Variants in LRR1 observed in about 807,000 individuals in gnomAD.
LRR1 encodes the protein leucine rich repeat protein 1, also known as leucine-rich repeat protein 1.
LRR1 carries 29 observed loss-of-function variants against 31.6 expected under a neutral mutation model. The ratio of observed to expected loss-of-function variants is 0.92; its 90% CI spans 0.68 to 1.25. The LOEUF (loss-of-function observed/expected upper bound fraction) is 1.25, where lower values mean the gene tolerates loss of function less well. LRR1 is among the 50% of genes most tolerant of loss of function. The pLI, the probability that LRR1 is intolerant of heterozygous loss-of-function variation, is 0.00. For missense variants in LRR1, 485 were observed against 487.2 expected (o/e 1.00, Z 0.04); for synonymous variants, 179 against 181.4 (o/e 0.99, Z 0.10).
intron 1 of LRR1, chr14:49,600,895 G>A (rs868186079): frequency 1.5e-6 from 2 of 1,367,992 alleles, no homozygotes; most frequent in African/African-American, 1.5e-5. Flanking sequence ...ATCACATCAT[G>A]TTGTAACTAC....
chr14:49,612,574 A>G lies in LRR1; in HGVS notation c.1005-1682A>G, dbSNP rs780650623. The stretch of plus-strand genomic sequence containing the variant: ...AAGCAACAGATTAATAAGTCTTTTT[A>G]TGAAAAATTTAAAAATTGCAAATAG... On this transcript the variant is annotated intron_variant, in intron 3 of 3. Coordinates refer to ENST00000298288, the MANE Select transcript of LRR1 (RefSeq NM_152329.4). 134 of 1,182,078 alleles carry G rather than the reference A, an allele frequency of 1.1e-4. No homozygotes were observed. In the South Asian group the frequency reaches 2.0e-3, roughly 17 times the overall value. The allele number at this position is 1,182,078 out of a possible 1,614,324, so 73.2% of individuals were successfully genotyped here. A position where few individuals can be genotyped will look rare whatever the true frequency, so the allele number is the denominator to read the frequency against.
In LRR1 at chr14:49,602,140, C is replaced by CTT. The variant is rs71115383; in HGVS notation, c.184-204_184-203dup. 5.3e-4 allele frequency among the ~76,000 whole-genome samples: 32 copies of CTT among 60,296 alleles called. No homozygotes were observed. The East Asian group carries it at 6.9e-3, about 13-fold the overall frequency. 39.6% of individuals were successfully genotyped at this position (60,296 alleles called of 152,430 possible). ...GAGACTCTGTCTCAAAAAAAAACAA[C>CTT]TTTTTTTTTTTTTTTTTTTTTTTTT... On this transcript the variant is annotated intron_variant, in intron 1 of 3. Coordinates refer to ENST00000298288, the MANE Select transcript of LRR1 (RefSeq NM_152329.4).
At position 49,607,567 on chromosome 14, in the gene LRR1, G is replaced by C. The variant is rs1882331697; in HGVS notation, c.450G>C (p.Lys150Asn). ...CCAAAAAAGACTATCCTCTAAGTAAGAATTTTCCATATTCCTTGGAACATC... is the reference window on the plus strand; with the variant it reads ...CCAAAAAAGACTATCCTCTAAGTAACAATTTTCCATATTCCTTGGAACATC... ...ITSKKDYPLSKNFPYSLEHLQ... is the reference protein window; with the variant it reads ...ITSKKDYPLSNNFPYSLEHLQ... The change falls in exon 3 of 4, where the codon AAG (lysine) becomes AAC (asparagine). Residue 150 changes from lysine (K) to asparagine (N), a missense_variant. Lys to Asn is a moderately conservative substitution (Grantham distance 94). Coordinates refer to ENST00000298288, the MANE Select transcript of LRR1 (RefSeq NM_152329.4). 3 of 1,614,000 alleles carry C rather than the reference G, an allele frequency of 1.9e-6. No homozygotes were observed. The South Asian group carries it at 3.3e-5, about 18-fold the overall frequency.
intron 1 of LRR1, chr14:49,600,116 C>T: frequency 1.3e-6 from 2 of 1,578,310 alleles, no homozygotes; most frequent in Non-Finnish European, 1.7e-6. Flanking sequence ...ACGTGCCCAC[C>T]GTCTTCGACC....
In LRR1 at chr14:49,614,488, T is replaced by A; in HGVS notation, c.1237T>A (p.Leu413Ile). 6.2e-7 allele frequency: 1 copy of A among 1,613,728 alleles called. No homozygotes were observed. Among genetic ancestry groups the A allele is most frequent in the Non-Finnish European group, 8.5e-7 (1 of 1,179,784 alleles). The change falls in exon 4 of 4, where the codon TTA becomes ATA. Residue 413 changes from leucine (L) to isoleucine (I), a missense_variant. Coordinates refer to ENST00000298288, the MANE Select transcript of LRR1 (RefSeq NM_152329.4). ...LGCYVNSSDM[L>I]K ...CTGTTATGTTAATTCCTCTGATATG[T>A]TAAAGTAATGGGTGAGACCAGAAAA...
At chr14:49,600,164 C>T (rs1296354042) in intron 1 of LRR1, 1 of 1,481,762 alleles carries the variant, frequency 6.7e-7, no homozygotes, top group African/African-American at 1.4e-5. Flanking sequence ...GCAAGCAGTA[C>T]CTCCTAGGAC....
intron 1 of LRR1, among the ~76,000 whole-genome samples, chr14:49,601,352 T>C (rs1436077258): frequency 5.3e-5 from 8 of 152,232 alleles, no homozygotes; most frequent in African/African-American, 1.9e-4. Flanking sequence ...GTCAGTCTTA[T>C]TCATTGCTAT....
At chr14:49,600,841 A>G in intron 1 of LRR1, 2 of 873,092 alleles carry the variant, frequency 2.3e-6, no homozygotes, top group Non-Finnish European at 3.5e-6. Flanking sequence ...TATTTCAACT[A>G]GAAGGTACAA....
chr14:49,602,385 G>C lies in LRR1; in HGVS notation c.199G>C (p.Glu67Gln). ...TTTTATGCAGCTAAGGGAGAACATT[G>C]AGCAATTCTTCACCAAATTTGTAGA... is the stretch of plus-strand genomic sequence containing the variant. The part of the protein sequence containing the change: ...GTRYELRENI[E>Q]QFFTKFVDEG... Residue 67 changes from glutamate (E) to glutamine (Q), a missense_variant, in exon 2 of 4, where the codon GAG becomes CAG. Around this residue, in one of 3 missense-constraint regions of LRR1, gnomAD observed 260 missense variants for 249.6 expected, o/e 1.04. Coordinates refer to ENST00000298288, the MANE Select transcript of LRR1 (RefSeq NM_152329.4). 6.2e-7 allele frequency: 1 copy of C among 1,613,374 alleles called. No homozygotes were observed. The highest frequency in any genetic ancestry group is 8.5e-7 in the Non-Finnish European group (1 of 1,179,682).
chr14:49,606,859 G>A (rs1882305008), intron 2 of LRR1, among the ~76,000 whole-genome samples: 2 of 151,704 alleles, frequency 1.3e-5, no homozygotes, highest in Admixed American at 1.3e-4. Context: ...GCTTCACCAT[G>A]TTGGCCAGGC....
rs761236025 is a variant in LRR1, at chr14:49,607,430, T to A, written c.313T>A (p.Ser105Thr). 1 of 1,584,786 alleles carries A rather than the reference T, an allele frequency of 6.3e-7. No individual in the cohort carries two copies. Among genetic ancestry groups the A allele is most frequent in the South Asian group, 1.1e-5 (1 of 87,276 alleles). Residue 105 changes from serine to threonine, a missense_variant, in exon 3 of 4, where the codon TCA becomes ACA. Transcript: ENST00000298288. Reference protein sequence around the residue: ...AISSSLKGFLSAMRLAHRGCN... With the variant: ...AISSSLKGFLTAMRLAHRGCN... ...TTCCAGCAGTTTAAAAGGTTTCCTT[T>A]CAGCTATGAGACTGGCTCATAGAGG...
At chr14:49,609,882 T>C (rs1262221976) in intron 3 of LRR1, among the ~76,000 whole-genome samples, 2 of 151,972 alleles carry the variant, frequency 1.3e-5, no homozygotes, top group Non-Finnish European at 1.5e-5. Flanking sequence ...AATTTTTGTA[T>C]TTTTAGCAGA....
rs1289623123 is a variant in LRR1, at chr14:49,607,435, T to C, written c.318T>C (p.Ala106=). Residue 106 remains alanine (A), a synonymous_variant, in exon 3 of 4, where the codon GCT becomes GCC. Coordinates refer to ENST00000298288, the MANE Select transcript of LRR1 (RefSeq NM_152329.4). ...ISSSLKGFLS[A]MRLAHRGCNV... ...GCAGTTTAAAAGGTTTCCTTTCAGC[T>C]ATGAGACTGGCTCATAGAGGCTGTA... The C allele has an allele frequency of 3.8e-6, 6 of 1,594,176 alleles. No individual in the cohort carries two copies. Among genetic ancestry groups the C allele is most frequent in the Non-Finnish European group, 5.1e-6 (6 of 1,172,404 alleles).
intron 2 of LRR1, among the ~76,000 whole-genome samples, chr14:49,607,066 T>G (rs1429958008): frequency 2.0e-5 from 3 of 151,686 alleles, no homozygotes; most frequent in Admixed American, 2.0e-4. Flanking sequence ...AGTCTCACTC[T>G]GTTGCCCAGG....
intron 3 of LRR1, among the ~76,000 whole-genome samples, chr14:49,613,780 T>G (rs1882601991): frequency 6.6e-6 from 1 of 152,190 alleles, no homozygotes; most frequent in Non-Finnish European, 1.5e-5. Flanking sequence ...ACCACTGCAC[T>G]CTAGCCTGGG....
Position 49,607,421 on chromosome 14 carries a change from G to T in LRR1, c.304G>T (p.Gly102Cys). 6.3e-7 allele frequency: 1 copy of T among 1,577,340 alleles called. No individual in the cohort carries two copies. Among genetic ancestry groups the T allele is most frequent in the Middle Eastern group, 1.7e-4 (1 of 5,872 alleles). The stretch of plus-strand genomic sequence containing the variant: ...TCAGGCCATTTCCAGCAGTTTAAAA[G>T]GTTTCCTTTCAGCTATGAGACTGGC... The part of the protein sequence containing the change: ...LSKAISSSLK[G>C]FLSAMRLAHR... Residue 102 changes from glycine (G) to cysteine (C), a missense_variant, in exon 3 of 4, where the codon GGT becomes TGT. Around this residue, in one of 3 missense-constraint regions of LRR1, gnomAD observed 260 missense variants for 249.6 expected, o/e 1.04. Coordinates refer to ENST00000298288, the MANE Select transcript of LRR1 (RefSeq NM_152329.4).
In LRR1 at chr14:49,598,944, A is replaced by T. The variant is rs1881917719; in HGVS notation, c.-77A>T. ...CAGTGGGCAGCCCGCGTGCGCGAGG[A>T]CCCCGATGGCGGCGCCGGGTGGCGG... On this transcript the variant is annotated 5_prime_UTR_variant, in exon 1 of 4. Coordinates refer to ENST00000298288, the MANE Select transcript of LRR1 (RefSeq NM_152329.4). 6.6e-7 allele frequency: 1 copy of T among 1,505,018 alleles called. No individual in the cohort carries two copies. Among genetic ancestry groups the T allele is most frequent in the South Asian group, 1.3e-5 (1 of 79,278 alleles). 93.2% of individuals were successfully genotyped at this position (1,505,018 alleles called of 1,614,324 possible).
chr14:49,602,100 T>C lies in LRR1; in HGVS notation c.184-270T>C, dbSNP rs532765520. The stretch of plus-strand genomic sequence containing the variant: ...GTGATGGCACCACTTCACTCCATCC[T>C]GGGTGAGAGTGAGTGAGACTCTGTC... On this transcript the variant is annotated intron_variant, in intron 1 of 3. Coordinates refer to ENST00000298288, the MANE Select transcript of LRR1 (RefSeq NM_152329.4). 4.4e-3 allele frequency among the ~76,000 whole-genome samples: 638 copies of C among 146,334 alleles called. 3 individuals are homozygous for C. The highest frequency in any genetic ancestry group is 8.1e-3 in the Non-Finnish European group (538 of 66,770).
At chr14:49,606,751 G>T (rs1166491611) in intron 2 of LRR1, among the ~76,000 whole-genome samples, 2 of 151,448 alleles carry the variant, frequency 1.3e-5, no homozygotes, top group Non-Finnish European at 2.9e-5. Flanking sequence ...CCGCCTCCCG[G>T]GTTCAAGCGA....
Sources: allele counts gnomAD v4.1 joint callset (sites outside exome capture counted in the v4.1 genomes callset), GRCh38; gene constraint gnomAD v4.1.1; regional missense constraint gnomAD v4.1.1; transcripts MANE v1.5; gene names NCBI Gene and HGNC (gene_info 2026-07-23, HGNC 2026-07-21).